FRYL: variants seen among roughly 807,000 people sequenced by gnomAD.
FRYL encodes the protein FRY like transcription coactivator.
Under a neutral mutation model 351.2 loss-of-function variants are expected in FRYL, and 150 were observed. That is an observed-to-expected ratio of 0.43 (90% CI 0.37 to 0.49). The LOEUF is 0.49. Among genes scored for constraint, FRYL ranks in the 20% least tolerant of loss-of-function variants. The pLI, the probability that FRYL is intolerant of heterozygous loss-of-function variation, is 0.00. For synonymous variants in FRYL, 1,153 were observed against 1,257.1 expected (o/e 0.92, Z 1.75); for missense variants, 3,036 against 3,619.3 (o/e 0.84, Z 4.13).
chr4:48,581,382 C>T (rs1383986453), intron 21 of FRYL, 38 bp downstream of exon 21: 1 of 1,551,666 alleles, frequency 6.4e-7, no homozygotes, highest in Non-Finnish European at 8.8e-7. Context: ...TTTTTAAGTA[C>T]TTTCAATAGA....
At chr4:48,588,110 G>C (rs779349213) in intron 18 of FRYL, among the ~76,000 whole-genome samples, 16 of 152,276 alleles carry the variant, frequency 1.1e-4, no homozygotes, top group Admixed American at 3.3e-4. Context: ...GATTGGTCAA[G>C]GTGCATCTGT....
chr4:48,553,398 A>T lies in FRYL; in HGVS notation c.4267-15T>A. ...ACCTTCTTCACCTGTCACAAAAGAA[A>T]TCGTTCAGAAAAGAAAAAGCAAAGT... On this transcript the variant is annotated splice_polypyrimidine_tract_variant and intron_variant, in intron 35 of 63. Transcript: ENST00000358350. 1 of 1,592,128 alleles carries T rather than the reference A, an allele frequency of 6.3e-7. No homozygotes were observed. Among genetic ancestry groups the T allele is most frequent in the Non-Finnish European group, 8.6e-7 (1 of 1,168,702 alleles).
chr4:48,540,571 A>C lies in FRYL; in HGVS notation c.6077T>G (p.Leu2026Arg). The stretch of plus-strand genomic sequence containing the variant: ...AGGCAAATGGATAAGCAGTTTGTTG[A>C]GAAGCCTGAGAGCCAGGAGGTATTC... Reference protein sequence around the residue: ...EYEYLLALRLLNKLLIHLPLD... With the variant: ...EYEYLLALRLRNKLLIHLPLD... Residue 2026 changes from leucine (L) to arginine (R), a missense_variant, in exon 46 of 64, where the codon CTC (leucine) becomes CGC (arginine). By Grantham distance (102) the Leu-to-Arg change is moderately radical (BLOSUM62 -2). Coordinates refer to ENST00000358350, the MANE Select transcript of FRYL (RefSeq NM_015030.2). 1 of 1,614,048 alleles carries C rather than the reference A, an allele frequency of 6.2e-7. No individual in the cohort carries two copies. Among genetic ancestry groups the C allele is most frequent in the Non-Finnish European group, 8.5e-7 (1 of 1,179,946 alleles).
chr4:48,661,642 A>T (rs1760738241), intron 3 of FRYL, among the ~76,000 whole-genome samples: 1 of 152,220 alleles, frequency 6.6e-6, no homozygotes, highest in Non-Finnish European at 1.5e-5. Context: ...CAAAACAAAC[A>T]ACACTCTTTA....
At position 48,534,675 on chromosome 4, in the gene FRYL, T is replaced by G. The variant is rs1479336064; in HGVS notation, c.6575A>C (p.Lys2192Thr). 2 of 1,543,340 alleles carry G rather than the reference T, an allele frequency of 1.3e-6. No homozygotes were observed. Among genetic ancestry groups the G allele is most frequent in the Non-Finnish European group, 8.9e-7 (1 of 1,125,506 alleles). Reference protein sequence around the residue: ...LVTYLAELLEKGLSSMQQSLL... With the variant: ...LVTYLAELLETGLSSMQQSLL... ...TGATTGCTGCATACTGGACAATCCT[T>G]TCTCTAACAGCTAAAAATAATGTTA... The change falls in exon 49 of 64, where the codon AAA becomes ACA. Residue 2192 changes from lysine (K) to threonine (T), a missense_variant. By Grantham distance (78) the Lys-to-Thr change is moderately conservative. This residue lies in a region of FRYL where 1,987 missense variants were observed against 2,311.7 expected (regional missense o/e 0.86). Coordinates refer to ENST00000358350, the MANE Select transcript of FRYL (RefSeq NM_015030.2).
intron 55 of FRYL, chr4:48,520,803 T>C (rs1724751081): frequency 5.3e-6 from 2 of 375,548 alleles, no homozygotes; most frequent in South Asian, 1.3e-4. Flanking sequence ...ATTAACCTCA[T>C]CATGTTCTGC....
At chr4:48,511,111 T>C (rs1391864502) in intron 57 of FRYL, 127 bp from the exon 58 acceptor site, 2 of 549,586 alleles carry the variant, frequency 3.6e-6, no homozygotes, top group Non-Finnish European at 6.3e-6. Flanking sequence ...ACTTTAATCA[T>C]TGATCTATAA....
chr4:48,733,176 G>A (rs1770926690), intron 1 of FRYL, among the ~76,000 whole-genome samples: 1 of 151,958 alleles, frequency 6.6e-6, no homozygotes, highest in Non-Finnish European at 1.5e-5. Context: ...TCGGGAGGCT[G>A]AGGAAGAAGA....
chr4:48,518,789 C>T (rs1329386885), intron 55 of FRYL, among the ~76,000 whole-genome samples: 1 of 152,218 alleles, frequency 6.6e-6, no homozygotes, highest in Non-Finnish European at 1.5e-5. Flanking sequence ...TAACTTTCTC[C>T]TTCACTCGAG....
rs557854897 is a variant in FRYL, at chr4:48,511,174, A to C, written c.8146-190T>G. Among the ~76,000 whole-genome samples, 19 of 152,330 alleles carry C rather than the reference A, an allele frequency of 1.2e-4. No individual in the cohort carries two copies. In the South Asian group the frequency reaches 3.5e-3, roughly 28 times the overall value. Reference sequence around the variant, plus strand: ...AAACATTAATTTCTAAAAAGAAACAAAAATTTACAAAATAGTATTACTGAA... The same window carrying C: ...AAACATTAATTTCTAAAAAGAAACACAAATTTACAAAATAGTATTACTGAA... On this transcript the variant is annotated intron_variant, in intron 57 of 63. Transcript: ENST00000358350.
At chr4:48,712,976 A>T (rs1768280348) in intron 1 of FRYL, among the ~76,000 whole-genome samples, 1 of 152,188 alleles carries the variant, frequency 6.6e-6, no homozygotes, top group South Asian at 2.1e-4. Flanking sequence ...ATCCAGCCAA[A>T]CTAAGCTTCA....
chr4:48,671,659 C>T (rs1052227346), intron 3 of FRYL, among the ~76,000 whole-genome samples: 24 of 150,038 alleles, frequency 1.6e-4, no homozygotes, highest in African/African-American at 3.9e-4. Context: ...AAGAGCAAAA[C>T]TCCATCTCAA....
chr4:48,639,187 T>C (rs1037179252), intron 3 of FRYL, among the ~76,000 whole-genome samples: 1 of 151,864 alleles, frequency 6.6e-6, no homozygotes, highest in South Asian at 2.1e-4. Context: ...AATTCGTGTG[T>C]ATCAACAAGC....
chr4:48,722,966 A>G (rs1560315701), intron 1 of FRYL, among the ~76,000 whole-genome samples: 2 of 152,194 alleles, frequency 1.3e-5, no homozygotes, highest in Admixed American at 1.3e-4. Context: ...TAAACTGAGA[A>G]TATCAGTTTC....
rs73814781 is a variant in FRYL at position 48,522,451 on chromosome 4, C to A, written c.7521+450G>T. Among the ~76,000 whole-genome samples, 466 of 152,308 alleles carry A rather than the reference C, an allele frequency of 3.1e-3. 1 individual carries two copies. Among genetic ancestry groups the A allele is most frequent in the African/African-American group, 0.011 (445 of 41,574 alleles). On this transcript the variant is annotated intron_variant, in intron 54 of 63. Transcript: ENST00000358350. ...AGCCCTACCACTGGCTTTTCTTGCA[C>A]CCGTACTCTTCTGAAATAACAGGCT...
chr4:48,532,379 C>T (rs1727853508), intron 49 of FRYL, among the ~76,000 whole-genome samples: 1 of 152,280 alleles, frequency 6.6e-6, no homozygotes, highest in South Asian at 2.1e-4. Context: ...GTTTAAAGGC[C>T]GGGAGCAATG....
Position 48,590,885 on chromosome 4 carries a change from T to C in FRYL, c.1336-55A>G, listed in dbSNP as rs930685435. 7 of 1,363,062 alleles carry C rather than the reference T, an allele frequency of 5.1e-6. No homozygotes were observed. In the African/African-American group the frequency reaches 7.3e-5, roughly 14 times the overall value. 84.4% of individuals were successfully genotyped at this position (1,363,062 alleles called of 1,614,324 possible). A position where few individuals can be genotyped will look rare whatever the true frequency, so the allele number is the denominator to read the frequency against. ...GATGAGTATCATAAATTACCTTTTT[T>C]GCATGTTAGAAATATTTCATCAGTA... On this transcript the variant is annotated intron_variant, in intron 16 of 63. Coordinates refer to ENST00000358350, the MANE Select transcript of FRYL (RefSeq NM_015030.2).
chr4:48,551,371 A>AT (rs1307851829), intron 37 of FRYL, 123 bp downstream of exon 37: 7 of 560,528 alleles, frequency 1.2e-5, no homozygotes, highest in South Asian at 1.2e-4. Context: ...ATGGAAATAT[A>AT]TTTTTTTCAC....
chr4:48,520,048 A>T (rs6447643), intron 55 of FRYL, among the ~76,000 whole-genome samples: 150,416 of 152,198 alleles, frequency 0.99, 74,349 homozygotes, highest in South Asian at 1. Context: ...AAATTTTTTT[A>T]AAAGCCTTCT....
Sources: allele counts gnomAD v4.1 joint callset (sites outside exome capture counted in the v4.1 genomes callset), GRCh38; gene constraint gnomAD v4.1.1; regional missense constraint gnomAD v4.1.1; transcripts MANE v1.5; gene names NCBI Gene and HGNC (gene_info 2026-07-23, HGNC 2026-07-21).